AEBP2: variants seen among roughly 807,000 people sequenced by gnomAD.
The protein encoded by AEBP2 is AE binding protein 2.
Under a neutral mutation model 50.8 loss-of-function variants are expected in AEBP2, and 10 were observed. That is an observed-to-expected ratio of 0.20 (90% confidence interval 0.12 to 0.33). The LOEUF (loss-of-function observed/expected upper bound fraction) is 0.33, where lower values mean the gene tolerates loss of function less well. Among genes scored for constraint, AEBP2 ranks in the 10% least tolerant of loss-of-function variants. The probability of loss-of-function intolerance (pLI) is 1.00; values close to 1 mark genes in which losing one functional copy is unlikely to be tolerated. For synonymous variants in AEBP2, 296 were observed against 261.3 expected (o/e 1.13, Z -1.28); for missense variants, 570 against 688.0 (o/e 0.83, Z 1.92).
intron 1 of AEBP2, among the ~76,000 whole-genome samples, chr12:19,460,479 G>A (rs536771558): frequency 5.9e-5 from 9 of 151,906 alleles, no homozygotes; most frequent in Non-Finnish European, 1.3e-4. Context: ...TCAGCCTCCC[G>A]AGTAGCTGGG....
chr12:19,412,521 G>T (rs2095739853), intron 1 of AEBP2, among the ~76,000 whole-genome samples: 1 of 151,918 alleles, frequency 6.6e-6, no homozygotes, highest in Non-Finnish European at 1.5e-5. Context: ...CTCTTGATCT[G>T]CCCACCTTGG....
Position 19,462,634 on chromosome 12 carries a change from G to C in AEBP2, c.796G>C (p.Asp266His). 6.2e-7 allele frequency: 1 copy of C among 1,613,942 alleles called. No homozygotes were observed. Among genetic ancestry groups the C allele is most frequent in the East Asian group, 2.2e-5 (1 of 44,882 alleles). Reference sequence around the variant, plus strand: ...AAATATTGCCTATAATTGTTGTTGGGACCAGTGCCAGGCTTGCTTCAACTC... The same window carrying C: ...AAATATTGCCTATAATTGTTGTTGGCACCAGTGCCAGGCTTGCTTCAACTC... ...SKNIAYNCCW[D>H]QCQACFNSSP... Residue 266 changes from aspartate (D) to histidine (H), a missense_variant, in exon 2 of 8, where the codon GAC (aspartate) becomes CAC (histidine). By Grantham distance (81) the Asp-to-His change is moderately conservative. Coordinates refer to ENST00000266508, the MANE Select transcript of AEBP2 (RefSeq NM_153207.5).
intron 1 of AEBP2, among the ~76,000 whole-genome samples, chr12:19,422,834 C>T (rs1023613080): frequency 1.3e-5 from 2 of 151,824 alleles, no homozygotes; most frequent in African/African-American, 2.4e-5. Context: ...GAGGCCAAGG[C>T]GGGCAGATCA....
chr12:19,469,029 ATCC>A, intron 2 of AEBP2, among the ~76,000 whole-genome samples: 1 of 152,198 alleles, frequency 6.6e-6, no homozygotes, highest in African/African-American at 2.4e-5. Flanking sequence ...GGTTCAAGCG[ATCC>A]TCCTCCCTCA....
In AEBP2 at chr12:19,519,323, A is replaced by T. The variant is rs1352220303; in HGVS notation, c.*1206A>T. 1 of 152,592 alleles carries T rather than the reference A, an allele frequency of 6.6e-6. No homozygotes were observed. Among genetic ancestry groups the T allele is most frequent in the Non-Finnish European group, 1.5e-5 (1 of 67,988 alleles). The allele number at this position is 152,592 out of a possible 1,614,324, so 9.5% of individuals were successfully genotyped here. A position where few individuals can be genotyped will look rare whatever the true frequency, so the allele number is the denominator to read the frequency against. ...TAGAAATAATATTGAAGGATATTGT[A>T]CTTCACTAGTGCTGCCAGAGGAATT... On this transcript the variant is annotated 3_prime_UTR_variant, in exon 8 of 8. Coordinates refer to ENST00000266508, the MANE Select transcript of AEBP2 (RefSeq NM_153207.5).
chr12:19,424,542 G>T (rs892768112), intron 1 of AEBP2, among the ~76,000 whole-genome samples: 1 of 151,828 alleles, frequency 6.6e-6, no homozygotes, highest in Non-Finnish European at 1.5e-5. Context: ...GACTACAGGC[G>T]CCCGCCACCT....
intron 1 of AEBP2, among the ~76,000 whole-genome samples, chr12:19,428,185 G>A (rs1280635151): frequency 2.6e-5 from 4 of 152,046 alleles, no homozygotes; most frequent in Admixed American, 6.6e-5. Flanking sequence ...GCAATGAGCC[G>A]AGATTGCACC....
chr12:19,486,531 C>G (rs1179497436), intron 3 of AEBP2, among the ~76,000 whole-genome samples: 1 of 152,042 alleles, frequency 6.6e-6, no homozygotes, highest in Non-Finnish European at 1.5e-5. Context: ...AGCTGGGATT[C>G]AGGCCTGTGC....
upstream of AEBP2, among the ~76,000 whole-genome samples, chr12:19,434,548 G>A (rs992870115): frequency 6.6e-6 from 1 of 151,750 alleles, no homozygotes; most frequent in African/African-American, 2.4e-5. Context: ...GTTTATGAAA[G>A]CTACTTTTAG....
At chr12:19,471,628 C>T (rs1427959197) in intron 2 of AEBP2, among the ~76,000 whole-genome samples, 1 of 151,998 alleles carries the variant, frequency 6.6e-6, no homozygotes, top group East Asian at 1.9e-4. Context: ...CAGCTGCTAG[C>T]CCTATGCCCC....
At chr12:19,453,059 C>T (rs1228675276) in intron 1 of AEBP2, among the ~76,000 whole-genome samples, 1 of 149,300 alleles carries the variant, frequency 6.7e-6, no homozygotes, top group Admixed American at 6.8e-5. Flanking sequence ...AGCTCCGCCT[C>T]CCAGGTTCAC....
rs1948269886 is a variant in AEBP2, at chr12:19,456,367, G to A, written c.672-6143G>A. The A allele has an allele frequency of 3.7e-6, 5 of 1,369,566 alleles. No homozygotes were observed. In the African/African-American group the frequency reaches 5.7e-5, roughly 16 times the overall value. The allele number at this position is 1,369,566 out of a possible 1,614,324, so 84.8% of individuals were successfully genotyped here. On this transcript the variant is annotated intron_variant, in intron 1 of 7. Transcript: ENST00000266508. ...TGTCTCATATCATGAACAGCAGCGCGACCCAGAGGTGGGTAGTCTGAGAAG... is the reference window on the plus strand; with the variant it reads ...TGTCTCATATCATGAACAGCAGCGCAACCCAGAGGTGGGTAGTCTGAGAAG...
intron 1 of AEBP2, among the ~76,000 whole-genome samples, chr12:19,407,920 G>A (rs756761800): frequency 9.9e-5 from 15 of 151,980 alleles, no homozygotes; most frequent in Non-Finnish European, 2.1e-4. Context: ...GCTAGGTGGT[G>A]CATGCCTGTA....
chr12:19,518,607 C>G lies in AEBP2; in HGVS notation c.*490C>G. Reference sequence around the variant, plus strand: ...GAAATATTTAGACAATGAAAATTATCAAGAGATAATTTACCTTTCAATTAT... The same window carrying G: ...GAAATATTTAGACAATGAAAATTATGAAGAGATAATTTACCTTTCAATTAT... On this transcript the variant is annotated 3_prime_UTR_variant, in exon 8 of 8. Coordinates refer to ENST00000266508, the MANE Select transcript of AEBP2 (RefSeq NM_153207.5). The G allele has an allele frequency of 7.2e-7, 1 of 1,397,624 alleles. No homozygotes were observed. The highest frequency in any genetic ancestry group is 9.5e-7 in the Non-Finnish European group (1 of 1,051,962). 86.6% of individuals were successfully genotyped at this position (1,397,624 alleles called of 1,614,324 possible).
In AEBP2 at chr12:19,431,500, CCTAT is replaced by C. The variant is rs566002054; in HGVS notation, c.-17+27287_-17+27290del. ...TATGCTATTCACCTTTCACATTTTG[CCTAT>C]CTTTTTATCTGAAGTTTATAGAAAA... On this transcript the variant is annotated intron_variant, in intron 1 of 3. Coordinates refer to the AEBP2 transcript ENST00000538425. Among the ~76,000 whole-genome samples the C allele has an allele frequency of 2.9e-4, 44 of 152,190 alleles. 1 individual carries two copies. The South Asian group carries it at 9.1e-3, about 32-fold the overall frequency.
At chr12:19,515,447 A>G (rs1298044107) in intron 7 of AEBP2, among the ~76,000 whole-genome samples, 1 of 152,210 alleles carries the variant, frequency 6.6e-6, no homozygotes, top group Non-Finnish European at 1.5e-5. Flanking sequence ...AAGAGGTTAA[A>G]TAGTTAATCT....
intron 5 of AEBP2, among the ~76,000 whole-genome samples, chr12:19,512,034 T>C (rs575753534): frequency 7.3e-5 from 11 of 150,966 alleles, no homozygotes; most frequent in African/African-American, 2.4e-4. Context: ...GGGTGAAAGT[T>C]TTTTTTTTTC....
In AEBP2 at chr12:19,428,333, G is replaced by A. The variant is rs566740861; in HGVS notation, c.-17+24117G>A. ...GGGGTGGATGGCATTGCAAAATGAG[G>A]TCATCTAGAGGTCCATGTTTCTTTT... On this transcript the variant is annotated intron_variant, in intron 1 of 3. Transcript: ENST00000538425. 2.6e-5 allele frequency among the ~76,000 whole-genome samples: 4 copies of A among 152,308 alleles called. 1 individual carries two copies. The highest frequency in any genetic ancestry group is 9.6e-5 in the African/African-American group (4 of 41,578).
chr12:19,414,838 G>A (rs1200625844), intron 1 of AEBP2, among the ~76,000 whole-genome samples: 6 of 151,704 alleles, frequency 4.0e-5, no homozygotes, highest in Non-Finnish European at 8.8e-5. Context: ...CAGGAGAATT[G>A]CTTGAATCTG....
Sources: gnomAD v4.1 joint callset for allele counts (sites outside exome capture counted in the v4.1 genomes callset) on GRCh38, gnomAD v4.1.1 for gene constraint, MANE v1.5 for transcripts, NCBI Gene and HGNC (gene_info 2026-07-23, HGNC 2026-07-21) for gene names.